NTRK3: variants seen among roughly 807,000 people sequenced by gnomAD.
The protein encoded by NTRK3 is neurotrophic receptor tyrosine kinase 3.
A neutral mutation model predicts 91.7 loss-of-function variants in NTRK3; 24 were observed. That is an observed-to-expected ratio of 0.26 (90% CI 0.19 to 0.37). The LOEUF is 0.37. Ranked by LOEUF, NTRK3 falls within the 10% of genes least tolerant of loss-of-function variation. The pLI, the probability that NTRK3 is intolerant of heterozygous loss-of-function variation, is 1.00. For missense variants in NTRK3, 880 were observed against 1,068.9 expected, an observed-to-expected ratio of 0.82 and a Z score of 2.46; for synonymous variants, 483 against 404.0, an observed-to-expected ratio of 1.20 and a Z score of -2.34.
intron 14 of NTRK3, among the ~76,000 whole-genome samples, chr15:87,956,582 T>G (rs1198407674): frequency 1.3e-5 from 2 of 148,756 alleles, no homozygotes; most frequent in African/African-American, 5.0e-5. Flanking sequence ...CCTTTTTTCT[T>G]TTTTTGAGAT....
chr15:88,077,638 A>G (rs2047668150), intron 13 of NTRK3, among the ~76,000 whole-genome samples: 1 of 152,174 alleles, frequency 6.6e-6, no homozygotes, highest in Non-Finnish European at 1.5e-5. Context: ...TATATCTCCT[A>G]GCCTGCTGAA....
intron 14 of NTRK3, among the ~76,000 whole-genome samples, chr15:87,945,384 C>G (rs1173430579): frequency 6.6e-6 from 1 of 152,226 alleles, no homozygotes. Flanking sequence ...TCCAAGAATT[C>G]TTTCTCTGTA....
intron 5 of NTRK3, among the ~76,000 whole-genome samples, chr15:88,158,113 GAAT>G (rs58401688): frequency 0.014 from 2,205 of 152,198 alleles, 52 homozygotes; most frequent in African/African-American, 0.049. Flanking sequence ...TGGAAGTTGG[GAAT>G]AATAATAGGG....
At chr15:87,877,102 G>T in exon 19 of NTRK3, 2 of 1,614,024 alleles carry the variant, frequency 1.2e-6, no homozygotes, top group Non-Finnish European at 1.7e-6. Context: ...ACACGACCTT[G>T]GGTAATGCAC....
intron 15 of NTRK3, among the ~76,000 whole-genome samples, chr15:87,937,141 G>T (rs2069369362): frequency 6.6e-6 from 1 of 152,168 alleles, no homozygotes; most frequent in Admixed American, 6.5e-5. Context: ...GACCTCTACA[G>T]AACATGAGAT....
At chr15:88,135,294 G>T (rs763220217) in exon 10 of NTRK3, 1 of 1,614,210 alleles carries the variant, frequency 6.2e-7, no homozygotes, top group Middle Eastern at 1.6e-4. Context: ...GCTGCCCATT[G>T]TGCAGCCAGT....
At chr15:88,010,485 C>T (rs543380833) in intron 14 of NTRK3, among the ~76,000 whole-genome samples, 3 of 151,892 alleles carry the variant, frequency 2.0e-5, no homozygotes, top group South Asian at 4.2e-4. Context: ...TTTTTCCAAG[C>T]TTTTTAGTAA....
At chr15:88,167,571 T>C (rs750395749) in intron 5 of NTRK3, among the ~76,000 whole-genome samples, 1 of 152,216 alleles carries the variant, frequency 6.6e-6, no homozygotes, top group Non-Finnish European at 1.5e-5. Context: ...AATAAGATGG[T>C]ATTTTGAGAT....
chr15:88,200,639 T>C (rs532669616), intron 3 of NTRK3, among the ~76,000 whole-genome samples: 1 of 152,334 alleles, frequency 6.6e-6, no homozygotes, highest in East Asian at 1.9e-4. Context: ...TGAAGAAGGA[T>C]GTTTTTGCTT....
chr15:88,160,981 A>G (rs764268826), intron 5 of NTRK3, among the ~76,000 whole-genome samples: 2 of 152,186 alleles, frequency 1.3e-5, no homozygotes, highest in Non-Finnish European at 2.9e-5. Context: ...TCCTAATAAT[A>G]TCAGCCTTAT....
intron 13 of NTRK3, among the ~76,000 whole-genome samples, chr15:88,116,970 C>G (rs564333957): frequency 1.3e-5 from 2 of 152,296 alleles, no homozygotes; most frequent in African/African-American, 4.8e-5. Flanking sequence ...CTGCAGACTA[C>G]ATAAATGACT....
chr15:87,973,943 C>G (rs1013528004), intron 14 of NTRK3, among the ~76,000 whole-genome samples: 1 of 152,138 alleles, frequency 6.6e-6, no homozygotes, highest in Non-Finnish European at 1.5e-5. Context: ...CCTGAAGGAA[C>G]AAAGGCTCCG....
intron 17 of NTRK3, chr15:87,926,813 CT>C (rs2068351246): frequency 6.6e-6 from 1 of 152,222 alleles, no homozygotes; most frequent in Non-Finnish European, 1.5e-5. Context: ...TAGTTATCAG[CT>C]TGGCATAATC....
chr15:88,234,376 T>C lies in NTRK3; in HGVS notation c.248+21530A>G, dbSNP rs1416282037. The stretch of plus-strand genomic sequence containing the variant: ...AAACACTGGAAAGACAAAGATAAGC[T>C]GGACCAAACACCAGCCATCATTATA... On this transcript the variant is annotated intron_variant, in intron 3 of 18. Coordinates refer to ENST00000394480, the Ensembl canonical transcript of NTRK3. The surrounding 1 kb of genome is among the most constrained non-coding windows in gnomAD (Gnocchi z 6.1). Among the ~76,000 whole-genome samples, 2 of 152,190 alleles carry C rather than the reference T, an allele frequency of 1.3e-5. No homozygotes were observed. Among genetic ancestry groups the C allele is most frequent in the Non-Finnish European group, 2.9e-5 (2 of 68,044 alleles).
chr15:88,040,548 C>T (rs1442976953), intron 13 of NTRK3, among the ~76,000 whole-genome samples: 4 of 152,180 alleles, frequency 2.6e-5, no homozygotes, highest in Admixed American at 2.0e-4. Flanking sequence ...GAAAGACTGC[C>T]TTGGAATTAT....
chr15:87,872,425 C>A, exon 19 of NTRK3: 1 of 226,016 alleles, frequency 4.4e-6, no homozygotes, highest in Non-Finnish European at 8.8e-6. Context: ...ACATCCCGGC[C>A]TCTTACAATA....
intron 18 of NTRK3, among the ~76,000 whole-genome samples, chr15:87,879,127 T>TA (rs1361531581): frequency 6.6e-6 from 1 of 152,158 alleles, no homozygotes; most frequent in Non-Finnish European, 1.5e-5. Context: ...GTACACGTTT[T>TA]AAAAAATAAT....
At chr15:87,916,728 T>C (rs1441505970) in intron 17 of NTRK3, among the ~76,000 whole-genome samples, 1 of 151,970 alleles carries the variant, frequency 6.6e-6, no homozygotes, top group Non-Finnish European at 1.5e-5. Flanking sequence ...ATACAAACAA[T>C]GCATAAAATA....
chr15:87,877,974 C>T (rs959829348), intron 18 of NTRK3, among the ~76,000 whole-genome samples: 1 of 152,070 alleles, frequency 6.6e-6, no homozygotes, highest in African/African-American at 2.4e-5. Flanking sequence ...CCTGGCCAAC[C>T]CCAGCAGGCC....
Sources: gnomAD v4.1 joint callset for allele counts (sites outside exome capture counted in the v4.1 genomes callset) on GRCh38, gnomAD v4.1.1 for gene constraint, Gnocchi (gnomAD v3.1) non-coding constraint, MANE v1.5 for transcripts, NCBI Gene and HGNC (gene_info 2026-07-23, HGNC 2026-07-21) for gene names.